The following CLRN3 variants were observed in gnomAD, a reference collection of about 807,000 sequenced individuals.
The protein encoded by CLRN3 is clarin 3.
In CLRN3, 12 loss-of-function variants were observed where a neutral mutation model predicts 16.7. The observed-to-expected ratio is 0.72, with a 90% CI of 0.46 to 1.16. The LOEUF (loss-of-function observed/expected upper bound fraction) is 1.16. Among genes scored for constraint, CLRN3 ranks in the 50% most tolerant of loss-of-function variants. The pLI is 0.00. For synonymous variants in CLRN3, 118 were observed against 113.0 expected (o/e 1.04, Z -0.28); for missense variants, 296 against 274.2 (o/e 1.08, Z -0.56).
At chr10:127,883,919 C>T (rs1845162134) in intron 1 of CLRN3, 44 bp from the exon 2 acceptor site, 1 of 1,570,422 alleles carries the variant, frequency 6.4e-7, no homozygotes, top group African/African-American at 1.4e-5. Flanking sequence ...ATGCAAACAC[C>T]AGCTCTGGCC....
chr10:127,883,621 G>C, intron 2 of CLRN3, 75 bp downstream of exon 2: 1 of 1,037,546 alleles, frequency 9.6e-7, no homozygotes, highest in Non-Finnish European at 1.5e-6. Flanking sequence ...GTTCATGCAT[G>C]TGTGAGAGGC....
chr10:127,880,539 A>G (rs1845117185), intron 2 of CLRN3, among the ~76,000 whole-genome samples: 1 of 152,152 alleles, frequency 6.6e-6, no homozygotes, highest in Admixed American at 6.5e-5. Context: ...CAGATGAGAC[A>G]CAAATGTATT....
intron 1 of CLRN3, among the ~76,000 whole-genome samples, chr10:127,887,579 C>A (rs1169174088): frequency 1.3e-5 from 2 of 151,356 alleles, no homozygotes; most frequent in Non-Finnish European, 2.9e-5. Flanking sequence ...CTCATATTTT[C>A]TGCATATTAA....
Position 127,883,757 on chromosome 10 carries a change from G to C in CLRN3, c.348C>G (p.Ile116Met), listed in dbSNP as rs773791036. The stretch of plus-strand genomic sequence containing the variant: ...CCAGGAATGTCTGGTAAGGGTTGCT[G>C]ATGCTGTTGTAGAAGGTAAACCCAG... ...LSSGFTFYNS[I>M]SNPYQTFLGP... The change falls in exon 2 of 3, where the codon ATC becomes ATG. Residue 116 changes from isoleucine to methionine, a missense_variant. Ile to Met is a conservative substitution (Grantham distance 10). Coordinates refer to ENST00000368671, the MANE Select transcript of CLRN3 (RefSeq NM_152311.5). The C allele has an allele frequency of 2.5e-5, 40 of 1,613,832 alleles. No homozygotes were observed. Among genetic ancestry groups the C allele is most frequent in the South Asian group, 2.1e-4 (19 of 91,074 alleles).
At chr10:127,892,058 A>C (rs934854896) in intron 1 of CLRN3, among the ~76,000 whole-genome samples, 1 of 152,240 alleles carries the variant, frequency 6.6e-6, no homozygotes, top group Non-Finnish European at 1.5e-5. Flanking sequence ...ATGGAAATTT[A>C]ATATAATTTC....
In CLRN3 at chr10:127,883,269, CAT is replaced by C. The variant is rs543783786; in HGVS notation, c.409+425_409+426del. 2.5e-4 allele frequency among the ~76,000 whole-genome samples: 13 copies of C among 52,054 alleles called. No individual in the cohort carries two copies. In the East Asian group the frequency reaches 4.7e-3, roughly 19 times the overall value. 34.1% of individuals were successfully genotyped at this position (52,054 alleles called of 152,430 possible). On this transcript the variant is annotated intron_variant, in intron 2 of 2. Transcript: ENST00000368671. ...AGAAGGAAGTGTGTGCTGGTGTGTT[CAT>C]GTGTGTGTGTGTGTGTGTGCACATG... is the stretch of plus-strand genomic sequence containing the variant.
Position 127,878,356 on chromosome 10 carries a change from T to C in CLRN3, c.474A>G (p.Glu158=). The change falls in exon 3 of 3, where the codon GAA becomes GAG. Residue 158 remains glutamate (E), a synonymous_variant. Transcript: ENST00000368671. ...VANTQSNQLS[E]ELFQMLYPAT... Reference sequence around the variant, plus strand: ...CCGGGTAAAGCATTTGGAACAACTCTTCGGAGAGTTGGTTGGACTGCGTGT... The same window carrying C: ...CCGGGTAAAGCATTTGGAACAACTCCTCGGAGAGTTGGTTGGACTGCGTGT... 1 of 1,614,216 alleles carries C rather than the reference T, an allele frequency of 6.2e-7. No homozygotes were observed. Among genetic ancestry groups the C allele is most frequent in the Non-Finnish European group, 8.5e-7 (1 of 1,180,036 alleles).
At position 127,883,700 on chromosome 10, in the gene CLRN3, G is replaced by T; in HGVS notation, c.405C>A (p.Leu135=). The part of the protein sequence containing the change: ...GPTGVYTWNG[L]GASFVFVTMI... ...GAGTCTCACAGGGCCACTCACCACC[G>T]AGCCCGTTCCAGGTGTACACCCCCG... Residue 135 remains leucine (L), a synonymous_variant, in exon 2 of 3, where the codon CTC becomes CTA. Coordinates refer to ENST00000368671, the MANE Select transcript of CLRN3 (RefSeq NM_152311.5). The T allele has an allele frequency of 6.2e-7, 1 of 1,611,164 alleles. No homozygotes were observed. Among genetic ancestry groups the T allele is most frequent in the South Asian group, 1.1e-5 (1 of 90,978 alleles).
At chr10:127,878,641 G>A (rs1845090041) in intron 2 of CLRN3, among the ~76,000 whole-genome samples, 1 of 152,220 alleles carries the variant, frequency 6.6e-6, no homozygotes, top group Non-Finnish European at 1.5e-5. Flanking sequence ...AATAGTGAAT[G>A]TGCTGACTCA....
chr10:127,881,771 A>G (rs1191953759), intron 2 of CLRN3, among the ~76,000 whole-genome samples: 2 of 152,216 alleles, frequency 1.3e-5, no homozygotes, highest in East Asian at 3.8e-4. Context: ...GGCTGCCACC[A>G]TCAGCAATGA....
In CLRN3 at chr10:127,884,761, C is replaced by T. The variant is rs561027644; in HGVS notation, c.230-886G>A. 1.7e-4 allele frequency among the ~76,000 whole-genome samples: 26 copies of T among 152,340 alleles called. No individual in the cohort carries two copies. In the East Asian group the frequency reaches 3.1e-3, roughly 18 times the overall value. ...GACTGCCACCAGCCATCTCCTCCAC[C>T]GGCTCTTTTGTGGAGGATGCAATGC... On this transcript the variant is annotated intron_variant, in intron 1 of 2. Transcript: ENST00000368671.
chr10:127,888,702 C>CT (rs1845224966), intron 1 of CLRN3, among the ~76,000 whole-genome samples: 1 of 152,152 alleles, frequency 6.6e-6, no homozygotes, highest in Non-Finnish European at 1.5e-5. Flanking sequence ...CACTCAAAGA[C>CT]CAGCCGGGAG....
In CLRN3 at chr10:127,878,413, G is replaced by T; in HGVS notation, c.417C>A (p.Phe139Leu). 1 of 1,613,516 alleles carries T rather than the reference G, an allele frequency of 6.2e-7. No homozygotes were observed. Among genetic ancestry groups the T allele is most frequent in the Non-Finnish European group, 8.5e-7 (1 of 1,179,452 alleles). Residue 139 changes from phenylalanine (F) to leucine (L), a missense_variant, in exon 3 of 3, where the codon TTC becomes TTA. Physicochemically the swap from Phe to Leu is conservative, Grantham distance 22. Transcript: ENST00000368671. ...VYTWNGLGAS[F>L]VFVTMILFVA... ...CAAACAGTATCATGGTCACAAAAACGAAGGATGCTGAAAGGAAGATGGAGT... is the reference window on the plus strand; with the variant it reads ...CAAACAGTATCATGGTCACAAAAACTAAGGATGCTGAAAGGAAGATGGAGT...
intron 2 of CLRN3, among the ~76,000 whole-genome samples, chr10:127,882,357 C>T (rs1417752930): frequency 6.6e-6 from 1 of 152,192 alleles, no homozygotes; most frequent in African/African-American, 2.4e-5. Flanking sequence ...GACTCTGGTC[C>T]ACCTGTAGTC....
chr10:127,885,986 C>G lies in CLRN3; in HGVS notation c.230-2111G>C, dbSNP rs533916202. ...GTCAGGCTGGTCTCGAACTCCCAAC[C>G]TCAGGTGATCTGCCCGCCTTGGCCT... On this transcript the variant is annotated intron_variant, in intron 1 of 2. Transcript: ENST00000368671. Among the ~76,000 whole-genome samples, 964 of 152,280 alleles carry G rather than the reference C, an allele frequency of 6.3e-3. 10 individuals carry two copies. The highest frequency in any genetic ancestry group is 0.022 in the African/African-American group (927 of 41,556).
At chr10:127,881,097 G>A (rs1845122544) in intron 2 of CLRN3, among the ~76,000 whole-genome samples, 1 of 152,162 alleles carries the variant, frequency 6.6e-6, no homozygotes, top group African/African-American at 2.4e-5. Context: ...AGGAAGCTAA[G>A]CTGTGCTGAG....
At chr10:127,891,340 A>T (rs550501706) in intron 1 of CLRN3, among the ~76,000 whole-genome samples, 1 of 152,246 alleles carries the variant, frequency 6.6e-6, no homozygotes, top group Non-Finnish European at 1.5e-5. Context: ...AACCAAAAAA[A>T]ACTGTAGGTT....
chr10:127,880,290 T>C (rs760347849), intron 2 of CLRN3, among the ~76,000 whole-genome samples: 1 of 152,038 alleles, frequency 6.6e-6, no homozygotes. Flanking sequence ...TTGATTTGAA[T>C]GGGGAGGGGC....
intron 1 of CLRN3, 172 bp from the exon 2 acceptor site, chr10:127,884,047 G>A (rs7082389): frequency 0.071 from 46,127 of 651,358 alleles, 2,262 homozygotes; most frequent in African/African-American, 0.18. Context: ...CCCCACTGGA[G>A]GCTGGTTGTT....
Sources: allele counts gnomAD v4.1 joint callset (sites outside exome capture counted in the v4.1 genomes callset), GRCh38; gene constraint gnomAD v4.1.1; transcripts MANE v1.5; gene names NCBI Gene and HGNC (gene_info 2026-07-23, HGNC 2026-07-21).